GRIN2B: variants seen among roughly 807,000 people sequenced by gnomAD.
GRIN2B encodes the protein glutamate ionotropic receptor NMDA type subunit 2B, also known as glutamate receptor ionotropic, NMDA 2B.
A neutral mutation model predicts 114.5 loss-of-function variants in GRIN2B; 5 were observed. The ratio of observed to expected loss-of-function variants is 0.04; its 90% CI spans 0.02 to 0.09. GRIN2B has a LOEUF of 0.09. Ranked by LOEUF, GRIN2B falls within the 10% of genes least tolerant of loss-of-function variation. The pLI is 1.00. For synonymous variants in GRIN2B, 787 were observed against 745.1 expected (o/e 1.06, Z -0.92); for missense variants, 1,108 against 1,943.5 (o/e 0.57, Z 8.08).
chr12:13,619,641 G>T (rs1591645287), intron 5 of GRIN2B, among the ~76,000 whole-genome samples: 1 of 152,220 alleles, frequency 6.6e-6, no homozygotes, highest in East Asian at 1.9e-4. Context: ...GCCAGGCACT[G>T]GGCTATGTGC....
At chr12:13,854,491 C>T (rs770967355) in intron 3 of GRIN2B, among the ~76,000 whole-genome samples, 1 of 152,078 alleles carries the variant, frequency 6.6e-6, no homozygotes, top group Non-Finnish European at 1.5e-5. Context: ...GGCTGGGTGA[C>T]AGGGTGAGAC....
rs1188031712 is a variant in GRIN2B at position 13,870,581 on chromosome 12, C to G, written c.-18-4355G>C. On this transcript the variant is annotated intron_variant, in intron 2 of 13. Coordinates refer to ENST00000609686, the MANE Select transcript of GRIN2B (RefSeq NM_000834.5). Reference sequence around the variant, plus strand: ...CCAGGCCAACCCTGTCCTTAGAAAACTGAGTCCTGGGGCAACCACAACTGG... The same window carrying G: ...CCAGGCCAACCCTGTCCTTAGAAAAGTGAGTCCTGGGGCAACCACAACTGG... Among the ~76,000 whole-genome samples, 6 of 152,172 alleles carry G rather than the reference C, an allele frequency of 3.9e-5. No homozygotes were observed. The East Asian group carries it at 1.2e-3, about 29-fold the overall frequency.
At chr12:13,847,567 T>C (rs1377230710) in intron 3 of GRIN2B, among the ~76,000 whole-genome samples, 6 of 152,062 alleles carry the variant, frequency 3.9e-5, no homozygotes, top group Admixed American at 2.6e-4. Flanking sequence ...GATGGCTGCG[T>C]GTACCACATA....
chr12:13,952,141 C>A (rs1867494160), intron 2 of GRIN2B, among the ~76,000 whole-genome samples: 1 of 151,732 alleles, frequency 6.6e-6, no homozygotes, highest in Non-Finnish European at 1.5e-5. Flanking sequence ...ATATAAGGAC[C>A]TTAAGGATGT....
At chr12:13,643,410 A>G (rs754885324) in intron 5 of GRIN2B, among the ~76,000 whole-genome samples, 12 of 152,198 alleles carry the variant, frequency 7.9e-5, no homozygotes, top group Admixed American at 2.6e-4. Flanking sequence ...ATTTAAAAAT[A>G]CTTCGTTGCT....
At chr12:13,817,011 A>C (rs892334909) in intron 3 of GRIN2B, among the ~76,000 whole-genome samples, 1 of 152,144 alleles carries the variant, frequency 6.6e-6, no homozygotes, top group Admixed American at 6.5e-5. Context: ...CAGCATACAA[A>C]TACAAAGGAT....
chr12:13,665,134 GGTGTGTGTGTGTTT>G (rs1341147948), intron 5 of GRIN2B, among the ~76,000 whole-genome samples: 1 of 133,080 alleles, frequency 7.5e-6, no homozygotes, highest in Admixed American at 8.3e-5. Context: ...GAAAAGAGAG[GGTGTGTGTGTGTTT>G]GTGTGTGTGT....
intron 3 of GRIN2B, among the ~76,000 whole-genome samples, chr12:13,767,208 G>A (rs989313248): frequency 6.7e-6 from 1 of 149,970 alleles, no homozygotes; most frequent in Admixed American, 6.6e-5. Context: ...TGCAGTGAGC[G>A]GAGATCGCAC....
At chr12:13,878,838 G>A (rs930206893) in intron 2 of GRIN2B, among the ~76,000 whole-genome samples, 5 of 152,184 alleles carry the variant, frequency 3.3e-5, no homozygotes, top group Non-Finnish European at 7.4e-5. Context: ...TTGAGAATGA[G>A]AAATGTAAAA....
intron 3 of GRIN2B, among the ~76,000 whole-genome samples, chr12:13,808,752 A>AATATATATATATATATATATAT (rs10548365): frequency 1.8e-5 from 2 of 109,890 alleles, no homozygotes; most frequent in African/African-American, 2.9e-5. Flanking sequence ...ATAAAAAAAA[A>AATATATATATATATATATATAT]ATATATATAT....
chr12:13,601,302 C>T (rs1004941005), intron 10 of GRIN2B, among the ~76,000 whole-genome samples: 13 of 152,272 alleles, frequency 8.5e-5, no homozygotes, highest in East Asian at 3.9e-4. Flanking sequence ...TTGCCTCTTT[C>T]GGCTTCTGGT....
At chr12:13,929,454 A>ATGT (rs1405771965) in intron 2 of GRIN2B, among the ~76,000 whole-genome samples, 1 of 152,200 alleles carries the variant, frequency 6.6e-6, no homozygotes, top group Non-Finnish European at 1.5e-5. Flanking sequence ...CCCTAACAAC[A>ATGT]TAGTCTCAGC....
In GRIN2B at chr12:13,711,886, C is replaced by T. The variant is rs1241627890; in HGVS notation, c.1011-36027G>A. 2.6e-5 allele frequency among the ~76,000 whole-genome samples: 4 copies of T among 152,096 alleles called. No individual in the cohort carries two copies. The East Asian group carries it at 7.7e-4, about 29-fold the overall frequency. ...AGCAATCCCATTACTGGGTATATACCCAAAAGATTATAAATCATGCTGCTA... is the reference window on the plus strand; with the variant it reads ...AGCAATCCCATTACTGGGTATATACTCAAAAGATTATAAATCATGCTGCTA... On this transcript the variant is annotated intron_variant, in intron 4 of 13. Coordinates refer to ENST00000609686, the MANE Select transcript of GRIN2B (RefSeq NM_000834.5).
intron 2 of GRIN2B, among the ~76,000 whole-genome samples, chr12:13,979,660 T>C (rs1409393453): frequency 6.6e-6 from 1 of 152,006 alleles, no homozygotes; most frequent in Admixed American, 6.6e-5. Context: ...ATAGATACAT[T>C]CCCCTGATGC....
intron 5 of GRIN2B, among the ~76,000 whole-genome samples, chr12:13,666,413 A>T (rs1240758864): frequency 6.6e-6 from 1 of 152,192 alleles, no homozygotes; most frequent in East Asian, 1.9e-4. Flanking sequence ...AGCCACCTTA[A>T]GACATCTCTG....
Position 13,547,981 on chromosome 12 carries a change from A to ATATTTTTTTTTTT in GRIN2B, c.*14801_*14802insAAAAAAAAAAATA. ...TGTGTATATATATATATATATATAT[A>ATATTTTTTTTTTT]TTTTTTTTTTTTTTCTGAAAGCTAC... On this transcript the variant is annotated 3_prime_UTR_variant, in exon 14 of 14. Transcript: ENST00000609686. 2 of 68,576 alleles carry ATATTTTTTTTTTT rather than the reference A, an allele frequency of 2.9e-5. No homozygotes were observed. The highest frequency in any genetic ancestry group is 9.2e-5 in the African/African-American group (2 of 21,748). The allele number at this position is 68,576 out of a possible 1,614,324, so 4.2% of individuals were successfully genotyped here.
chr12:13,814,408 C>T (rs2136687193), intron 3 of GRIN2B, among the ~76,000 whole-genome samples: 1 of 152,278 alleles, frequency 6.6e-6, no homozygotes, highest in Non-Finnish European at 1.5e-5. Flanking sequence ...TAGTGTAATG[C>T]TTATTTTATA....
chr12:13,572,961 G>A (rs1034331477), intron 10 of GRIN2B, among the ~76,000 whole-genome samples: 3 of 151,116 alleles, frequency 2.0e-5, no homozygotes, highest in East Asian at 3.9e-4. Flanking sequence ...GTGCTAGCTC[G>A]TCTCTGATGT....
intron 3 of GRIN2B, among the ~76,000 whole-genome samples, chr12:13,802,930 T>TCCACTCA (rs1864542332): frequency 6.6e-6 from 1 of 152,042 alleles, no homozygotes; most frequent in African/African-American, 2.4e-5. Context: ...CTGTGCAGGG[T>TCCACTCA]CCACTTACAC....
Sources: gnomAD v4.1 joint callset for allele counts (sites outside exome capture counted in the v4.1 genomes callset) on GRCh38, gnomAD v4.1.1 for gene constraint, MANE v1.5 for transcripts, NCBI Gene and HGNC (gene_info 2026-07-23, HGNC 2026-07-21) for gene names.